MPRIP: variants seen among roughly 807,000 people sequenced by gnomAD.
MPRIP encodes the protein myosin phosphatase Rho-interacting protein.
Under a neutral mutation model 234.9 loss-of-function variants are expected in MPRIP, and 59 were observed. The observed-to-expected ratio is 0.25, with a 90% confidence interval of 0.20 to 0.31. The LOEUF (loss-of-function observed/expected upper bound fraction) is 0.31, where lower values mean the gene tolerates loss of function less well. Among genes scored for constraint, MPRIP ranks in the 10% least tolerant of loss-of-function variants. The probability of loss-of-function intolerance (pLI) is 1.00; values close to 1 mark genes in which losing one functional copy is unlikely to be tolerated. For missense variants in MPRIP, 2,436 were observed against 3,071.0 expected, an observed-to-expected ratio of 0.79 and a Z score of 4.89; for synonymous variants, 1,144 against 1,263.9, an observed-to-expected ratio of 0.91 and a Z score of 2.01.
At chr17:17,089,261 A>T (rs1415503972) in intron 3 of MPRIP, among the ~76,000 whole-genome samples, 1 of 152,174 alleles carries the variant, frequency 6.6e-6, no homozygotes, top group Non-Finnish European at 1.5e-5. Flanking sequence ...TAAGGTCCAG[A>T]TGTGAGCAGG....
chr17:17,077,702 A>C lies in MPRIP; in HGVS notation c.202-309A>C, dbSNP rs538568175. ...TTCTATGCTGAGCACCATCAGGAAT[A>C]CAAAAAGGTAACCACACGTTGTTTC... On this transcript the variant is annotated intron_variant, in intron 2 of 23. Transcript: ENST00000651222. The C allele has an allele frequency of 1.4e-4, 48 of 348,024 alleles. No individual in the cohort carries two copies. The South Asian group carries it at 1.9e-3, about 14-fold the overall frequency. The allele number at this position is 348,024 out of a possible 1,614,324, so 21.6% of individuals were successfully genotyped here. A position where few individuals can be genotyped will look rare whatever the true frequency, so the allele number is the denominator to read the frequency against.
intron 3 of MPRIP, among the ~76,000 whole-genome samples, chr17:17,093,612 G>C (rs73979081): frequency 0.082 from 12,541 of 152,146 alleles, 730 homozygotes; most frequent in East Asian, 0.17. Flanking sequence ...AATTTTAAAG[G>C]CAATGAGGGG....
intron 3 of MPRIP, among the ~76,000 whole-genome samples, chr17:17,123,561 G>A (rs2090432635): frequency 6.6e-6 from 1 of 151,918 alleles, no homozygotes; most frequent in Non-Finnish European, 1.5e-5. Flanking sequence ...AAAATTAGCT[G>A]GGTGTGGTAG....
chr17:17,127,242 C>T (rs1221418238), intron 4 of MPRIP, among the ~76,000 whole-genome samples: 2 of 152,244 alleles, frequency 1.3e-5, no homozygotes, highest in African/African-American at 2.4e-5. Flanking sequence ...GGCTCCACCA[C>T]CTATGAAAGC....
chr17:17,147,136 C>T (rs973745242), intron 10 of MPRIP, among the ~76,000 whole-genome samples, 183 bp from the exon 11 acceptor site: 18 of 151,560 alleles, frequency 1.2e-4, no homozygotes, highest in African/African-American at 3.7e-4. Context: ...AGGGTGTGAG[C>T]GCATGGCTGC....
chr17:17,116,006 G>C (rs2090278656), intron 3 of MPRIP, among the ~76,000 whole-genome samples: 1 of 151,954 alleles, frequency 6.6e-6, no homozygotes, highest in Non-Finnish European at 1.5e-5. Flanking sequence ...TTAAAATGAT[G>C]GTTTCTATTT....
chr17:17,051,602 G>A (rs1474350241), intron 1 of MPRIP, among the ~76,000 whole-genome samples: 5 of 152,224 alleles, frequency 3.3e-5, no homozygotes, highest in African/African-American at 1.2e-4. Context: ...CGAAAACTCT[G>A]CCCTAGATTT....
In MPRIP at chr17:17,187,697, G is replaced by A. The variant is rs1340347869; in HGVS notation, c.*2803G>A. 6.6e-6 allele frequency: 1 copy of A among 152,284 alleles called. No homozygotes were observed. Among genetic ancestry groups the A allele is most frequent in the Non-Finnish European group, 1.5e-5 (1 of 68,112 alleles). 9.4% of individuals were successfully genotyped at this position (152,284 alleles called of 1,614,324 possible). ...CCCTCTCTCCAGTTTCCTTCCTGCA[G>A]GCATCCAAATACCCTGGAAGGGATT... On this transcript the variant is annotated 3_prime_UTR_variant, in exon 24 of 24. Coordinates refer to ENST00000651222, the MANE Select transcript of MPRIP (RefSeq NM_001364716.4).
chr17:17,123,600 A>T (rs1305178395), intron 3 of MPRIP, among the ~76,000 whole-genome samples: 1 of 150,106 alleles, frequency 6.7e-6, no homozygotes, highest in African/African-American at 2.5e-5. Context: ...GCTAGTTGGG[A>T]GGCTGAGACA....
At chr17:17,079,670 C>T (rs1260748045) in intron 3 of MPRIP, among the ~76,000 whole-genome samples, 1 of 152,174 alleles carries the variant, frequency 6.6e-6, no homozygotes, top group Non-Finnish European at 1.5e-5. Flanking sequence ...GGTCATGAAC[C>T]ATCCCAAAAA....
chr17:17,182,768 C>T (rs1297672700), intron 23 of MPRIP: 1 of 152,424 alleles, frequency 6.6e-6, no homozygotes, highest in Non-Finnish European at 1.5e-5. Flanking sequence ...GAATCTGGGG[C>T]TTCTGACGCA....
At chr17:17,146,289 G>C (rs112241132) in intron 10 of MPRIP, among the ~76,000 whole-genome samples, 197 bp downstream of exon 10, 1,829 of 152,318 alleles carry the variant, frequency 0.012, 14 homozygotes, top group Non-Finnish European at 0.019. Context: ...TTTCTGCAGT[G>C]GGGGGTGCTC....
intron 22 of MPRIP, among the ~76,000 whole-genome samples, chr17:17,177,788 G>A (rs536792003): frequency 2.0e-5 from 3 of 152,184 alleles, no homozygotes; most frequent in Non-Finnish European, 2.9e-5. Flanking sequence ...ATGGGAGGGA[G>A]CTCCCTGCTT....
chr17:17,099,414 CCTA>C (rs1401889525), intron 3 of MPRIP, among the ~76,000 whole-genome samples: 1 of 152,196 alleles, frequency 6.6e-6, no homozygotes. Flanking sequence ...TTTGAATTTT[CCTA>C]CTAAGAGTCC....
chr17:17,180,655 C>T (rs376818947), intron 23 of MPRIP: 70 of 1,613,776 alleles, frequency 4.3e-5, no homozygotes, highest in South Asian at 1.2e-4. Context: ...ACCCGCTTCC[C>T]GGCCCATGCA....
chr17:17,143,146 C>T (rs980471462), intron 8 of MPRIP, among the ~76,000 whole-genome samples: 1 of 152,322 alleles, frequency 6.6e-6, no homozygotes, highest in African/African-American at 2.4e-5. Flanking sequence ...CTCCTGGGCA[C>T]CCGCCTGCTG....
At position 17,166,959 on chromosome 17, in the gene MPRIP, G is replaced by T. The variant is rs952639810; in HGVS notation, c.5368G>T (p.Ala1790Ser). The change falls in exon 16 of 24, where the codon GCC (alanine) becomes TCC (serine). Residue 1790 changes from alanine to serine, a missense_variant. Physicochemically the swap from Ala to Ser is moderately conservative, Grantham distance 99. Around this residue, in one of 4 missense-constraint regions of MPRIP, gnomAD observed 1,998 missense variants for 2,520.3 expected, o/e 0.79. Transcript: ENST00000651222. This position sits in a 1 kb window ranked among gnomAD's most constrained non-coding sequence, Gnocchi z 4.4. ...EELAQQLKEK[A>S]SLLEEIAAAL... The stretch of plus-strand genomic sequence containing the variant: ...GCTTGCCCAGCAGCTGAAGGAGAAG[G>T]CCAGCCTCTTAGAGGAGATAGCGGC... The T allele has an allele frequency of 1.5e-6, 2 of 1,304,218 alleles. No individual in the cohort carries two copies. Among genetic ancestry groups the T allele is most frequent in the Admixed American group, 2.3e-5 (1 of 43,574 alleles). The allele number at this position is 1,304,218 out of a possible 1,614,324, so 80.8% of individuals were successfully genotyped here. A position where few individuals can be genotyped will look rare whatever the true frequency, so the allele number is the denominator to read the frequency against.
At position 17,189,770 on chromosome 17, in the gene MPRIP, G is replaced by A. The variant is rs1303557609; in HGVS notation, c.*4876G>A. 1 of 152,170 alleles carries A rather than the reference G, an allele frequency of 6.6e-6. No homozygotes were observed. The highest frequency in any genetic ancestry group is 6.5e-5 in the Admixed American group (1 of 15,270). 9.4% of individuals were successfully genotyped at this position (152,170 alleles called of 1,614,324 possible). ...TAAACAAGTTGTAACTTGCCCTAAG[G>A]TCCCTGTTGGAGCACTAAGAGGTGA... On this transcript the variant is annotated 3_prime_UTR_variant, in exon 24 of 24. Coordinates refer to ENST00000651222, the MANE Select transcript of MPRIP (RefSeq NM_001364716.4).
At chr17:17,129,745 C>T (rs2090560780) in intron 4 of MPRIP, among the ~76,000 whole-genome samples, 1 of 152,228 alleles carries the variant, frequency 6.6e-6, no homozygotes, top group African/African-American at 2.4e-5. Context: ...GAACCTGGGC[C>T]AGTCTGCAGG....
Sources: allele counts gnomAD v4.1 joint callset (sites outside exome capture counted in the v4.1 genomes callset), GRCh38; gene constraint gnomAD v4.1.1; regional missense constraint gnomAD v4.1.1; non-coding constraint Gnocchi (gnomAD v3.1); transcripts MANE v1.5; gene names NCBI Gene and HGNC (gene_info 2026-07-23, HGNC 2026-07-21).